Variants in CACNA2D1 observed in about 807,000 individuals in gnomAD.
CACNA2D1 encodes the protein voltage-dependent calcium channel subunit alpha-2/delta-1.
CACNA2D1 carries 53 observed loss-of-function variants against 171.5 expected under a neutral mutation model. The ratio of observed to expected loss-of-function variants is 0.31; its 90% confidence interval spans 0.25 to 0.39. The LOEUF is 0.39. Among genes scored for constraint, CACNA2D1 ranks in the 10% least tolerant of loss-of-function variants. CACNA2D1 has a pLI of 1.00. For missense variants in CACNA2D1, 903 were observed against 1,299.8 expected, an observed-to-expected ratio of 0.69 and a Z score of 4.69; for synonymous variants, 442 against 443.1, an observed-to-expected ratio of 1.00 and a Z score of 0.03.
At chr7:82,143,324 G>T (rs1292977402) in intron 4 of CACNA2D1, among the ~76,000 whole-genome samples, 6 of 152,050 alleles carry the variant, frequency 3.9e-5, no homozygotes, top group African/African-American at 1.4e-4. Context: ...AAAGTGTTAA[G>T]TACAGTGCAT....
At chr7:82,118,398 G>A (rs535559000) in intron 5 of CACNA2D1, among the ~76,000 whole-genome samples, 56 of 152,240 alleles carry the variant, frequency 3.7e-4, no homozygotes, top group Non-Finnish European at 5.7e-4. Context: ...AAAATTACGA[G>A]TTAAGTAAAA....
At chr7:82,139,288 G>T (rs562387096) in intron 4 of CACNA2D1, among the ~76,000 whole-genome samples, 1 of 152,092 alleles carries the variant, frequency 6.6e-6, no homozygotes, top group Non-Finnish European at 1.5e-5. Context: ...AAGATTAAGA[G>T]TATTTCACCT....
intron 3 of CACNA2D1, among the ~76,000 whole-genome samples, chr7:82,249,753 T>C (rs1334959179): frequency 1.3e-5 from 2 of 152,188 alleles, no homozygotes; most frequent in Non-Finnish European, 2.9e-5. Flanking sequence ...CTGATTGGCT[T>C]AGACAGATTT....
intron 3 of CACNA2D1, among the ~76,000 whole-genome samples, chr7:82,256,584 T>C (rs1806340661): frequency 6.6e-6 from 1 of 152,214 alleles, no homozygotes; most frequent in African/African-American, 2.4e-5. Context: ...ATGTATAGTG[T>C]ATACAGCAAA....
At chr7:82,332,565 A>AGAACGAACGAAC (rs1413144878) in intron 3 of CACNA2D1, among the ~76,000 whole-genome samples, 9 of 109,354 alleles carry the variant, frequency 8.2e-5, no homozygotes, top group Non-Finnish European at 1.8e-4. Flanking sequence ...AAAGAAAGAA[A>AGAACGAACGAAC]GAACGAACAG....
chr7:82,136,570 CTATAT>C, intron 5 of CACNA2D1, 60 bp downstream of exon 5: 1 of 1,233,434 alleles, frequency 8.1e-7, no homozygotes, highest in Non-Finnish European at 1.1e-6. Flanking sequence ...TCAATTTATT[CTATAT>C]AAGGCCAATC....
At chr7:82,130,669 C>A (rs1790848770) in intron 5 of CACNA2D1, among the ~76,000 whole-genome samples, 1 of 151,460 alleles carries the variant, frequency 6.6e-6, no homozygotes, top group Admixed American at 6.6e-5. Flanking sequence ...TCCAGCAGAA[C>A]TGGTGAAAAA....
At chr7:82,076,287 T>G (rs1228079339) in intron 7 of CACNA2D1, among the ~76,000 whole-genome samples, 2 of 152,172 alleles carry the variant, frequency 1.3e-5, no homozygotes, top group Non-Finnish European at 2.9e-5. Context: ...AATTGATGGA[T>G]AGTATACAGC....
chr7:82,150,284 A>AAAAAAAAAC (rs1554432527), intron 4 of CACNA2D1, among the ~76,000 whole-genome samples: 18 of 137,478 alleles, frequency 1.3e-4, no homozygotes, highest in Non-Finnish European at 2.4e-4. Flanking sequence ...AACAACAACA[A>AAAAAAAAAC]AAAAAAACAC....
chr7:81,955,905 T>G (rs1427205584), intron 38 of CACNA2D1, among the ~76,000 whole-genome samples: 31 of 53,932 alleles, frequency 5.7e-4, no homozygotes, highest in East Asian at 1.0e-3. Context: ...GTTATTTTGG[T>G]GGGGGGGGGG....
At chr7:82,278,548 ACT>A (rs1364755480) in intron 3 of CACNA2D1, among the ~76,000 whole-genome samples, 1 of 128,692 alleles carries the variant, frequency 7.8e-6, no homozygotes, top group Non-Finnish European at 1.6e-5. Context: ...ACAGAGTGAG[ACT>A]CTGTCTTAAA....
intron 12 of CACNA2D1, among the ~76,000 whole-genome samples, chr7:82,016,606 G>GC (rs1562873837): frequency 2.2e-5 from 2 of 89,110 alleles, no homozygotes; most frequent in South Asian, 4.5e-4. Context: ...AACACTAGCC[G>GC]CCCGCCCCCC....
At chr7:82,282,117 T>G (rs923581907) in intron 3 of CACNA2D1, among the ~76,000 whole-genome samples, 1 of 151,994 alleles carries the variant, frequency 6.6e-6, no homozygotes, top group Non-Finnish European at 1.5e-5. Context: ...GTCAACATGG[T>G]GAAACTCCTT....
intron 3 of CACNA2D1, among the ~76,000 whole-genome samples, chr7:82,303,875 T>C (rs887044901): frequency 6.6e-6 from 1 of 151,976 alleles, no homozygotes; most frequent in Admixed American, 6.6e-5. Flanking sequence ...TGGGACTATA[T>C]TAAACAAAAG....
At chr7:82,018,335 GT>G (rs1294362298) in intron 12 of CACNA2D1, among the ~76,000 whole-genome samples, 7 of 152,210 alleles carry the variant, frequency 4.6e-5, no homozygotes, top group African/African-American at 1.7e-4. Context: ...TGCTTGAGTG[GT>G]TTCTACTTCT....
rs139285291 is a variant in CACNA2D1 at position 82,024,866 on chromosome 7, A to G, written c.1143+7931T>C. Among the ~76,000 whole-genome samples, 717 of 151,720 alleles carry G rather than the reference A, an allele frequency of 4.7e-3. 10 individuals carry two copies. Among genetic ancestry groups the G allele is most frequent in the African/African-American group, 0.016 (674 of 41,476 alleles). On this transcript the variant is annotated intron_variant, in intron 12 of 38. Coordinates refer to ENST00000356860, the MANE Select transcript of CACNA2D1 (RefSeq NM_000722.4). Reference sequence around the variant, plus strand: ...CAATTTCATCTTTATTTGCATGTCAATATTCAGTTTTCCAACACCATTTGT... The same window carrying G: ...CAATTTCATCTTTATTTGCATGTCAGTATTCAGTTTTCCAACACCATTTGT...
intron 3 of CACNA2D1, among the ~76,000 whole-genome samples, chr7:82,232,667 C>G (rs1174490416): frequency 6.6e-6 from 1 of 151,616 alleles, no homozygotes; most frequent in African/African-American, 2.4e-5. Context: ...AGATGGAGAC[C>G]ATCCTGGCTA....
In CACNA2D1 at chr7:82,294,179, G is replaced by A. The variant is rs185363812; in HGVS notation, c.294+40956C>T. 2.3e-4 allele frequency among the ~76,000 whole-genome samples: 35 copies of A among 152,018 alleles called. No individual in the cohort carries two copies. In the East Asian group the frequency reaches 5.0e-3, roughly 22 times the overall value. ...TATTTTAACATAACATAAATTGTTC[G>A]GCTATATTTTAATATGGCTAAATAT... On this transcript the variant is annotated intron_variant, in intron 3 of 38. Coordinates refer to ENST00000356860, the MANE Select transcript of CACNA2D1 (RefSeq NM_000722.4).
In CACNA2D1 at chr7:82,341,853, C is replaced by G. The variant is rs575787229; in HGVS notation, c.178-6602G>C. On this transcript the variant is annotated intron_variant, in intron 2 of 38. Transcript: ENST00000356860. The stretch of plus-strand genomic sequence containing the variant: ...ACGAGGTCAGGAGATCCAGACCATC[C>G]TGGCTAACACAGTGAAACCGCGTCT... Among the ~76,000 whole-genome samples the G allele has an allele frequency of 3.3e-5, 5 of 151,172 alleles. No homozygotes were observed. The East Asian group carries it at 7.9e-4, about 24-fold the overall frequency.
Sources: gnomAD v4.1 joint callset for allele counts (sites outside exome capture counted in the v4.1 genomes callset) on GRCh38, gnomAD v4.1.1 for gene constraint, MANE v1.5 for transcripts, NCBI Gene and HGNC (gene_info 2026-07-23, HGNC 2026-07-21) for gene names.